The following SAMD12 variants were observed in gnomAD, a reference collection of about 807,000 sequenced individuals.
The protein encoded by SAMD12 is sterile alpha motif domain containing 12.
A neutral mutation model predicts 15.0 loss-of-function variants in SAMD12; 9 were observed. The ratio of observed to expected loss-of-function variants is 0.60; its 90% confidence interval spans 0.36 to 1.05. The LOEUF (loss-of-function observed/expected upper bound fraction) is 1.05. Among genes scored for constraint, SAMD12 ranks in the 50% least tolerant of loss-of-function variants. SAMD12 has a pLI of 0.01. For missense variants in SAMD12, 230 were observed against 234.2 expected, an observed-to-expected ratio of 0.98 and a Z score of 0.12; for synonymous variants, 86 against 90.1, an observed-to-expected ratio of 0.96 and a Z score of 0.25.
Position 118,318,308 on chromosome 8 carries a change from GTGTATATATATATATA to G in SAMD12, c.433+61236_433+61251del, listed in dbSNP as rs1424723347. On this transcript the variant is annotated intron_variant, in intron 4 of 4. Coordinates refer to the SAMD12 transcript ENST00000409003. Reference sequence around the variant, plus strand: ...GATTAAAAAAATATGGGAGATATATGTGTATATATATATATATATATATATATATATATATATATAT... The same window carrying G: ...GATTAAAAAAATATGGGAGATATATGTATATATATATATATATATATATAT... Among the ~76,000 whole-genome samples, 73 of 57,520 alleles carry G rather than the reference GTGTATATATATATATA, an allele frequency of 1.3e-3. 1 individual carries two copies. Among genetic ancestry groups the G allele is most frequent in the African/African-American group, 5.7e-3 (63 of 11,136 alleles). The allele number at this position is 57,520 out of a possible 152,430, so 37.7% of individuals were successfully genotyped here.
intron 4 of SAMD12, chr8:118,282,146 T>A: frequency 1.1e-5 from 4 of 371,156 alleles, no homozygotes; most frequent in Middle Eastern, 4.8e-4. Context: ...CATCTGACCA[T>A]CATGACCTTA....
At chr8:118,480,586 T>C (rs1563885812) in intron 2 of SAMD12, among the ~76,000 whole-genome samples, 1 of 152,186 alleles carries the variant, frequency 6.6e-6, no homozygotes, top group African/African-American at 2.4e-5. Context: ...GACAGAGGTA[T>C]AAACTGTTGC....
At chr8:118,173,482 G>T in the SAMD12 span, among the ~76,000 whole-genome samples, 1 of 151,704 alleles carries the variant, frequency 6.6e-6, no homozygotes, top group Non-Finnish European at 1.5e-5. Context: ...CTGTCTTTTA[G>T]ACAAGCAGCC....
intron 1 of SAMD12, among the ~76,000 whole-genome samples, chr8:118,585,412 C>T (rs1190301264): frequency 2.0e-5 from 3 of 151,856 alleles, no homozygotes; most frequent in African/African-American, 4.8e-5. Flanking sequence ...TGCCACTGAA[C>T]CATATAATTA....
At chr8:118,178,508 C>A in the SAMD12 span, among the ~76,000 whole-genome samples, 5 of 152,026 alleles carry the variant, frequency 3.3e-5, no homozygotes, top group African/African-American at 4.8e-5. Flanking sequence ...TCTTGTCACC[C>A]AGGATGGAGT....
chr8:118,327,948 G>A (rs1008627758), intron 4 of SAMD12, among the ~76,000 whole-genome samples: 1 of 152,192 alleles, frequency 6.6e-6, no homozygotes, highest in African/African-American at 2.4e-5. Context: ...AATGCAGACT[G>A]TGGGTGACAT....
At chr8:118,447,479 A>G (rs1822948991) in intron 2 of SAMD12, among the ~76,000 whole-genome samples, 2 of 151,512 alleles carry the variant, frequency 1.3e-5, no homozygotes, top group South Asian at 2.1e-4. Context: ...ACTTTTTTGC[A>G]TTATTAGTAG....
chr8:118,189,435 G>GA (rs1185795077), downstream of SAMD12: 4 of 152,012 alleles, frequency 2.6e-5, no homozygotes, highest in Non-Finnish European at 5.9e-5. Flanking sequence ...GATATATGTT[G>GA]AAAATCAGAA....
downstream of SAMD12, among the ~76,000 whole-genome samples, chr8:118,374,736 G>A (rs959233948): frequency 6.6e-6 from 1 of 152,076 alleles, no homozygotes; most frequent in Non-Finnish European, 1.5e-5. Context: ...GTGATGTTGA[G>A]CATCACTTCA....
chr8:118,263,958 A>G (rs1813141570), intron 4 of SAMD12, among the ~76,000 whole-genome samples: 1 of 152,152 alleles, frequency 6.6e-6, no homozygotes, highest in Non-Finnish European at 1.5e-5. Context: ...TCATCATGCA[A>G]TTTGAGACCT....
Position 118,244,441 on chromosome 8 carries a change from T to C in SAMD12, c.434-46709A>G, listed in dbSNP as rs575299271. 1.5e-4 allele frequency among the ~76,000 whole-genome samples: 23 copies of C among 152,280 alleles called. No homozygotes were observed. The South Asian group carries it at 4.1e-3, about 27-fold the overall frequency. On this transcript the variant is annotated intron_variant, in intron 4 of 4. Coordinates refer to the SAMD12 transcript ENST00000409003. ...AATCCATTTGCAAGGAACACTTATATATCTGTCTTCTTCCATTCAGGTGTC... is the reference window on the plus strand; with the variant it reads ...AATCCATTTGCAAGGAACACTTATACATCTGTCTTCTTCCATTCAGGTGTC...
At chr8:118,582,018 G>T (rs1410838206) in intron 1 of SAMD12, among the ~76,000 whole-genome samples, 11 of 152,046 alleles carry the variant, frequency 7.2e-5, no homozygotes. Flanking sequence ...GACTCAAAAA[G>T]TCCAACTCTC....
the SAMD12 span, among the ~76,000 whole-genome samples, chr8:118,165,057 A>T: frequency 6.6e-6 from 1 of 151,194 alleles, no homozygotes; most frequent in East Asian, 1.9e-4. Context: ...CCTACAGTTT[A>T]ACTCAATTCT....
chr8:118,494,011 T>C (rs1824527383), intron 2 of SAMD12, among the ~76,000 whole-genome samples: 1 of 152,146 alleles, frequency 6.6e-6, no homozygotes, highest in South Asian at 2.1e-4. Context: ...CGAAAGCTGG[T>C]GCCATGGTAT....
At chr8:118,422,760 C>T (rs1822054853) in intron 3 of SAMD12, among the ~76,000 whole-genome samples, 1 of 152,010 alleles carries the variant, frequency 6.6e-6, no homozygotes, top group Non-Finnish European at 1.5e-5. Flanking sequence ...AAAATTTAGA[C>T]CAGAAAAGTG....
intron 2 of SAMD12, among the ~76,000 whole-genome samples, chr8:118,537,740 G>C (rs1245389015): frequency 1.3e-5 from 2 of 152,172 alleles, no homozygotes; most frequent in Non-Finnish European, 2.9e-5. Context: ...TGAATTCTCT[G>C]TCTGAAAGGT....
At chr8:118,599,388 C>T (rs1408344879) in intron 1 of SAMD12, among the ~76,000 whole-genome samples, 1 of 152,172 alleles carries the variant, frequency 6.6e-6, no homozygotes, top group East Asian at 1.9e-4. Context: ...AACATTCTCT[C>T]ACGTGCTCCG....
the SAMD12 span, among the ~76,000 whole-genome samples, chr8:118,165,619 T>C: frequency 1.7e-5 from 1 of 59,874 alleles, no homozygotes; most frequent in Non-Finnish European, 3.6e-5. Flanking sequence ...TATATGTATA[T>C]ATATATATAT....
intron 4 of SAMD12, among the ~76,000 whole-genome samples, chr8:118,245,589 A>G (rs1213748623): frequency 6.6e-6 from 1 of 152,160 alleles, no homozygotes; most frequent in Non-Finnish European, 1.5e-5. Flanking sequence ...TGGTACCAGA[A>G]TTTGACCCAG....
Sources: gnomAD v4.1 joint callset for allele counts (sites outside exome capture counted in the v4.1 genomes callset) on GRCh38, gnomAD v4.1.1 for gene constraint, MANE v1.5 for transcripts, NCBI Gene and HGNC (gene_info 2026-07-23, HGNC 2026-07-21) for gene names.